The following ZFHX3 variants were observed in gnomAD, a reference collection of about 807,000 sequenced individuals.
ZFHX3 encodes the protein zinc finger homeobox protein 3.
In ZFHX3, 42 loss-of-function variants were observed where a neutral mutation model predicts 279.1. The ratio of observed to expected loss-of-function variants is 0.15; its 90% CI spans 0.12 to 0.19. ZFHX3 has a LOEUF of 0.19. Among genes scored for constraint, ZFHX3 ranks in the 10% least tolerant of loss-of-function variants. ZFHX3 has a pLI of 1.00. For synonymous variants in ZFHX3, 2,293 were observed against 1,957.8 expected, an observed-to-expected ratio of 1.17 and a Z score of -4.52; for missense variants, 4,981 against 4,754.0, an observed-to-expected ratio of 1.05 and a Z score of -1.40.
intron 1 of ZFHX3, among the ~76,000 whole-genome samples, chr16:73,009,482 A>T (rs963533465): frequency 6.6e-6 from 1 of 152,230 alleles, no homozygotes; most frequent in East Asian, 1.9e-4. Flanking sequence ...TTTAAAAAAA[A>T]AACTCATTCC....
chr16:73,311,439 AC>A (rs1323892506), intron 4 of ZFHX3, among the ~76,000 whole-genome samples: 1 of 75,512 alleles, frequency 1.3e-5, no homozygotes, highest in Non-Finnish European at 2.7e-5. Flanking sequence ...TACTAAAAAT[AC>A]AAAAATTAGC....
intron 1 of ZFHX3, among the ~76,000 whole-genome samples, chr16:73,778,928 A>G (rs1318010511): frequency 6.6e-6 from 1 of 152,222 alleles, no homozygotes; most frequent in Admixed American, 6.5e-5. Flanking sequence ...TTAATCGTTA[A>G]GTTTCTAAAT....
At chr16:72,964,846 T>C (rs1213686002) in intron 1 of ZFHX3, among the ~76,000 whole-genome samples, 1 of 152,144 alleles carries the variant, frequency 6.6e-6, no homozygotes, top group Admixed American at 6.5e-5. Context: ...GGTGGCCCAG[T>C]TATGCAGCCT....
intron 3 of ZFHX3, among the ~76,000 whole-genome samples, chr16:72,903,190 G>A (rs546154882): frequency 1.2e-4 from 18 of 152,136 alleles, no homozygotes; most frequent in Non-Finnish European, 1.9e-4. Flanking sequence ...GTTGAGAAAG[G>A]CCCATGCTAA....
chr16:73,622,770 T>C (rs1230161586), intron 2 of ZFHX3, among the ~76,000 whole-genome samples: 2 of 152,146 alleles, frequency 1.3e-5, no homozygotes, highest in Non-Finnish European at 2.9e-5. Flanking sequence ...AAGGGCACCC[T>C]GCAAGAGGGA....
In ZFHX3 at chr16:73,448,684, A is replaced by AAGTGTGTGTG. The variant is rs1567487516; in HGVS notation, c.-1291+7318_-1291+7319insCACACACACT. ...AAAAGGGGAAGGTGTATATTTATAT[A>AAGTGTGTGTG]CGTGTGTGTGTGTGTGTGTGTGTGT... On this transcript the variant is annotated intron_variant, in intron 3 of 17. Coordinates refer to the ZFHX3 transcript ENST00000641206. Among the ~76,000 whole-genome samples the AAGTGTGTGTG allele has an allele frequency of 3.7e-3, 245 of 66,886 alleles. 1 individual carries two copies. Among genetic ancestry groups the AAGTGTGTGTG allele is most frequent in the African/African-American group, 9.0e-3 (232 of 25,746 alleles). The allele number at this position is 66,886 out of a possible 152,430, so 43.9% of individuals were successfully genotyped here.
Position 73,589,988 on chromosome 16 carries a change from T to A in ZFHX3, c.-1547+90192A>T, listed in dbSNP as rs978141549. Reference sequence around the variant, plus strand: ...TCTAAATGGAATGTACTCTAAAAAATTCACTGTTTTCAGTAATTGTATTGG... The same window carrying A: ...TCTAAATGGAATGTACTCTAAAAAAATCACTGTTTTCAGTAATTGTATTGG... On this transcript the variant is annotated intron_variant, in intron 2 of 17. Coordinates refer to the ZFHX3 transcript ENST00000641206. 5.3e-5 allele frequency among the ~76,000 whole-genome samples: 8 copies of A among 152,104 alleles called. No homozygotes were observed. In the East Asian group the frequency reaches 9.6e-4, roughly 18 times the overall value.
chr16:73,277,072 G>T (rs1335733888), intron 4 of ZFHX3, among the ~76,000 whole-genome samples: 3 of 152,098 alleles, frequency 2.0e-5, no homozygotes, highest in Non-Finnish European at 4.4e-5. Flanking sequence ...TTCATTAAAC[G>T]TACTGGCAAG....
chr16:73,252,563 G>T (rs112619777), intron 5 of ZFHX3, among the ~76,000 whole-genome samples: 62 of 152,266 alleles, frequency 4.1e-4, no homozygotes, highest in African/African-American at 1.5e-3. Context: ...GATGCACAGG[G>T]GCACTGGGAG....
intron 3 of ZFHX3, among the ~76,000 whole-genome samples, chr16:73,398,987 C>T (rs995304634): frequency 2.0e-5 from 3 of 152,088 alleles, no homozygotes; most frequent in African/African-American, 7.2e-5. Context: ...GTCTCAGCCT[C>T]CCAAGTAGCT....
chr16:72,946,728 G>A (rs1383491791), intron 3 of ZFHX3, among the ~76,000 whole-genome samples: 1 of 152,148 alleles, frequency 6.6e-6, no homozygotes, highest in Non-Finnish European at 1.5e-5. Context: ...GAGGGCAGAG[G>A]GCAAGCATGT....
At chr16:72,931,424 C>CAT (rs1212157212) in intron 3 of ZFHX3, among the ~76,000 whole-genome samples, 1 of 142,388 alleles carries the variant, frequency 7.0e-6, no homozygotes. Flanking sequence ...CACACACACA[C>CAT]ACACACACAC....
At chr16:72,934,150 G>A (rs1165032520) in intron 3 of ZFHX3, among the ~76,000 whole-genome samples, 1 of 152,174 alleles carries the variant, frequency 6.6e-6, no homozygotes, top group Non-Finnish European at 1.5e-5. Context: ...AGTAGGCTAG[G>A]CGTGATGGCT....
rs201825730 is a variant in ZFHX3 at position 73,694,985 on chromosome 16, C to G, written c.-1607-14745G>C. Among the ~76,000 whole-genome samples, 77 of 152,310 alleles carry G rather than the reference C, an allele frequency of 5.1e-4. 5 individuals carry two copies. The East Asian group carries it at 8.7e-3, about 17-fold the overall frequency. ...TCCACTAAGCTGAGGCAGTTGAGAG[C>G]CACGGTGTGGCTAACTCCAAGCCAG... On this transcript the variant is annotated intron_variant, in intron 1 of 17. Transcript: ENST00000641206.
chr16:73,239,641 T>G (rs1400729372), intron 5 of ZFHX3, among the ~76,000 whole-genome samples: 1 of 152,140 alleles, frequency 6.6e-6, no homozygotes, highest in Non-Finnish European at 1.5e-5. Context: ...GGGCACTCAA[T>G]TAGTACCTGG....
chr16:72,943,985 G>T (rs1012872668), intron 3 of ZFHX3, among the ~76,000 whole-genome samples: 2 of 152,128 alleles, frequency 1.3e-5, no homozygotes, highest in Non-Finnish European at 2.9e-5. Flanking sequence ...TGACCTAAAA[G>T]TATCTATATC....
At chr16:73,190,734 G>A (rs1045454945) in intron 5 of ZFHX3, among the ~76,000 whole-genome samples, 5 of 152,214 alleles carry the variant, frequency 3.3e-5, no homozygotes, top group South Asian at 2.1e-4. Context: ...GCTTTGAACC[G>A]TTTTATCCGG....
intron 4 of ZFHX3, among the ~76,000 whole-genome samples, chr16:72,884,629 CAGG>C (rs562254353): frequency 6.6e-6 from 1 of 152,104 alleles, no homozygotes; most frequent in Admixed American, 6.5e-5. Context: ...AGAGAGAAAA[CAGG>C]AGGAGGAGAA....
In ZFHX3 at chr16:72,797,041, C is replaced by A. The variant is rs376372102; in HGVS notation, c.5641G>T (p.Val1881Phe). 1 of 1,613,844 alleles carries A rather than the reference C, an allele frequency of 6.2e-7. No individual in the cohort carries two copies. Among genetic ancestry groups the A allele is most frequent in the African/African-American group, 1.3e-5 (1 of 74,832 alleles). The change falls in exon 9 of 10, where the codon GTC (valine) becomes TTC (phenylalanine). Residue 1881 changes from valine (V) to phenylalanine (F), a missense_variant. By Grantham distance (50) the Val-to-Phe change is conservative. Coordinates refer to ENST00000268489, the MANE Select transcript of ZFHX3 (RefSeq NM_006885.4). ...CTTTCTTTTTCCTTTTCTTTGATGA[C>A]CAATTTGTTCTTCTTTTCGGGGTGC... ...SQHPEKKNKL[V>F]IKEKEKESQR...
Sources: allele counts gnomAD v4.1 joint callset (sites outside exome capture counted in the v4.1 genomes callset), GRCh38; gene constraint gnomAD v4.1.1; transcripts MANE v1.5; gene names NCBI Gene and HGNC (gene_info 2026-07-23, HGNC 2026-07-21).